Variants in GPC5 observed in about 807,000 individuals in gnomAD.
The protein encoded by GPC5 is glypican-5.
A neutral mutation model predicts 53.9 loss-of-function variants in GPC5; 47 were observed. The observed-to-expected ratio is 0.87, with a 90% CI of 0.69 to 1.11. The LOEUF (loss-of-function observed/expected upper bound fraction) is 1.11. Among genes scored for constraint, GPC5 ranks in the 50% most tolerant of loss-of-function variants. The pLI, the probability that GPC5 is intolerant of heterozygous loss-of-function variation, is 0.00. For missense variants in GPC5, 748 were observed against 713.1 expected, an observed-to-expected ratio of 1.05 and a Z score of -0.56; for synonymous variants, 286 against 263.3, an observed-to-expected ratio of 1.09 and a Z score of -0.84.
intron 5 of GPC5, among the ~76,000 whole-genome samples, chr13:91,882,661 G>A (rs374575687): frequency 7.4e-5 from 3 of 40,324 alleles, no homozygotes; most frequent in Non-Finnish European, 1.5e-4. Context: ...TTGTTTGTTT[G>A]TTTTTTGGGT....
chr13:92,663,737 CTA>C (rs368307451), intron 7 of GPC5, among the ~76,000 whole-genome samples: 1 of 81,698 alleles, frequency 1.2e-5, no homozygotes, highest in African/African-American at 3.5e-5. Flanking sequence ...AATATATCTA[CTA>C]TATATATCTC....
chr13:92,203,400 C>T (rs1161470000), intron 7 of GPC5, among the ~76,000 whole-genome samples: 6 of 139,800 alleles, frequency 4.3e-5, no homozygotes, highest in African/African-American at 1.6e-4. Flanking sequence ...AAAAACCAAA[C>T]ACCACATATT....
chr13:92,430,099 A>T (rs1453518833), intron 7 of GPC5, among the ~76,000 whole-genome samples: 1 of 152,056 alleles, frequency 6.6e-6, no homozygotes, highest in Non-Finnish European at 1.5e-5. Context: ...TACAACTTTT[A>T]GTCAATTAAA....
chr13:92,477,061 A>G (rs1384298882), intron 7 of GPC5, among the ~76,000 whole-genome samples: 3 of 149,808 alleles, frequency 2.0e-5, no homozygotes, highest in Non-Finnish European at 4.4e-5. Context: ...AAATAAATAA[A>G]TAAATAAATA....
chr13:91,825,756 G>A (rs958504213), intron 5 of GPC5, among the ~76,000 whole-genome samples: 1 of 152,074 alleles, frequency 6.6e-6, no homozygotes, highest in Non-Finnish European at 1.5e-5. Context: ...AGACTTACTG[G>A]CTTGAGGAGT....
At chr13:91,802,540 G>T (rs867957765) in intron 5 of GPC5, among the ~76,000 whole-genome samples, 4 of 152,174 alleles carry the variant, frequency 2.6e-5, no homozygotes. Flanking sequence ...TGGGTGGCCA[G>T]CTTTTATTCC....
chr13:91,630,261 G>A (rs932562038), intron 2 of GPC5, among the ~76,000 whole-genome samples: 14 of 152,206 alleles, frequency 9.2e-5, no homozygotes, highest in Admixed American at 2.6e-4. Context: ...ACAGTAAAGG[G>A]CAGCCTCTGA....
At chr13:92,484,121 C>A (rs989259851) in intron 7 of GPC5, among the ~76,000 whole-genome samples, 2 of 152,096 alleles carry the variant, frequency 1.3e-5, no homozygotes, top group Non-Finnish European at 2.9e-5. Flanking sequence ...CTGGGCAACA[C>A]AGTGATACCC....
At chr13:92,766,465 C>T (rs184135296) in intron 7 of GPC5, among the ~76,000 whole-genome samples, 2 of 152,280 alleles carry the variant, frequency 1.3e-5, no homozygotes, top group African/African-American at 4.8e-5. Context: ...TAGTGTCTAT[C>T]ACCAATATCC....
intron 7 of GPC5, among the ~76,000 whole-genome samples, chr13:92,509,316 C>T (rs569085159): frequency 1.3e-5 from 2 of 152,248 alleles, no homozygotes; most frequent in South Asian, 4.1e-4. Flanking sequence ...ATCTCTGACC[C>T]TTTAAGCATC....
At chr13:91,506,831 C>T (rs1375178323) in intron 2 of GPC5, among the ~76,000 whole-genome samples, 2 of 151,818 alleles carry the variant, frequency 1.3e-5, no homozygotes, top group African/African-American at 4.8e-5. Flanking sequence ...TCCAAGTTTT[C>T]CTGCTTAATA....
chr13:91,522,641 T>G (rs1885880592), intron 2 of GPC5, among the ~76,000 whole-genome samples: 1 of 152,062 alleles, frequency 6.6e-6, no homozygotes, highest in Non-Finnish European at 1.5e-5. Context: ...GTTAGATATT[T>G]CTCCTAATGC....
chr13:91,826,972 G>A (rs1007902585), intron 5 of GPC5, among the ~76,000 whole-genome samples: 4 of 151,844 alleles, frequency 2.6e-5, no homozygotes, highest in Non-Finnish European at 4.4e-5. Context: ...GTTGTTGAAT[G>A]GGTAGAAAAA....
chr13:92,639,971 T>TC (rs1472709456), intron 7 of GPC5, among the ~76,000 whole-genome samples: 55 of 151,556 alleles, frequency 3.6e-4, no homozygotes, highest in South Asian at 8.4e-4. Context: ...GATTTTTTTT[T>TC]TTCTCTCTCT....
chr13:92,602,385 T>A (rs1884107791), intron 7 of GPC5, among the ~76,000 whole-genome samples: 1 of 151,536 alleles, frequency 6.6e-6, no homozygotes. Context: ...TTATTCCAAC[T>A]AGCTGTCTAA....
intron 6 of GPC5, among the ~76,000 whole-genome samples, chr13:91,921,058 T>A (rs1431708166): frequency 6.8e-6 from 1 of 147,320 alleles, no homozygotes; most frequent in African/African-American, 2.5e-5. Flanking sequence ...AGCCTCAGCC[T>A]CCCCAGTAGC....
chr13:92,136,706 G>T (rs2041787296), intron 6 of GPC5, among the ~76,000 whole-genome samples: 1 of 149,210 alleles, frequency 6.7e-6, no homozygotes, highest in Non-Finnish European at 1.5e-5. Flanking sequence ...CATGTTTGGA[G>T]ATATTTGAAT....
chr13:91,442,563 G>A (rs372401902), intron 1 of GPC5, among the ~76,000 whole-genome samples: 15 of 152,256 alleles, frequency 9.9e-5, no homozygotes, highest in Middle Eastern at 3.4e-3. Flanking sequence ...TTATGTATCT[G>A]TTGAGAATCT....
intron 7 of GPC5, among the ~76,000 whole-genome samples, chr13:92,494,117 T>A (rs1399192232): frequency 1.3e-5 from 2 of 151,348 alleles, no homozygotes; most frequent in African/African-American, 4.9e-5. Flanking sequence ...TGAGACGGAG[T>A]CTCGCTCTGT....
Sources: allele counts gnomAD v4.1 joint callset (sites outside exome capture counted in the v4.1 genomes callset), GRCh38; gene constraint gnomAD v4.1.1; transcripts MANE v1.5; gene names NCBI Gene and HGNC (gene_info 2026-07-23, HGNC 2026-07-21).